The following KLHL29 variants were observed in gnomAD, a reference collection of about 807,000 sequenced individuals.
KLHL29 encodes the protein kelch-like protein 29.
In KLHL29, 21 loss-of-function variants were observed where a neutral mutation model predicts 80.4. That is an observed-to-expected ratio of 0.26 (90% CI 0.19 to 0.38). The LOEUF (loss-of-function observed/expected upper bound fraction) is 0.38, where lower values mean the gene tolerates loss of function less well. KLHL29 is among the 10% of genes least tolerant of loss of function. KLHL29 has a pLI of 1.00. For missense variants in KLHL29, 867 were observed against 1,223.9 expected, an observed-to-expected ratio of 0.71 and a Z score of 4.35; for synonymous variants, 511 against 526.8, an observed-to-expected ratio of 0.97 and a Z score of 0.41.
intron 3 of KLHL29, among the ~76,000 whole-genome samples, chr2:23,603,486 A>C (rs2103524699): frequency 6.6e-6 from 1 of 152,294 alleles, no homozygotes; most frequent in African/African-American, 2.4e-5. Context: ...AGCTGAAGGC[A>C]CTTCCCAGGT....
Position 23,605,063 on chromosome 2 carries a change from AGCCACTGGGAGG to A in KLHL29, c.286-34073_286-34062del, listed in dbSNP as rs1297667268. On this transcript the variant is annotated intron_variant, in intron 3 of 13. Coordinates refer to ENST00000486442, the MANE Select transcript of KLHL29 (RefSeq NM_052920.2). ...ACCGCCTTCCCTGGAGTAAGGCCTC[AGCCACTGGGAGG>A]GCAGCGTGGCCCTGTTCTTTTTCCT... Among the ~76,000 whole-genome samples the A allele has an allele frequency of 5.4e-5, 8 of 149,324 alleles. No homozygotes were observed. In the East Asian group the frequency reaches 1.6e-3, roughly 30 times the overall value.
At position 23,596,164 on chromosome 2, in the gene KLHL29, G is replaced by A. The variant is rs146594889; in HGVS notation, c.285+33683G>A. Among the ~76,000 whole-genome samples the A allele has an allele frequency of 1.7e-4, 26 of 152,300 alleles. No homozygotes were observed. The highest frequency in any genetic ancestry group is 5.1e-4 in the African/African-American group (21 of 41,566). ...AATAGAGCACCCTCGGCAGCCAGCC[G>A]GACGGGCAGGCCGGGGGCGGGGCAG... On this transcript the variant is annotated intron_variant, in intron 3 of 13. Transcript: ENST00000486442. This position sits in a 1 kb window ranked among gnomAD's most constrained non-coding sequence, Gnocchi z 4.4.
chr2:23,558,584 G>T (rs545585340), intron 2 of KLHL29, among the ~76,000 whole-genome samples: 2 of 151,942 alleles, frequency 1.3e-5, no homozygotes, highest in South Asian at 2.1e-4. Context: ...GTATTTTTTT[G>T]GTAGAAATGG....
intron 5 of KLHL29, among the ~76,000 whole-genome samples, chr2:23,646,004 TTC>T (rs1172654716): frequency 6.6e-6 from 1 of 152,102 alleles, no homozygotes; most frequent in Non-Finnish European, 1.5e-5. Context: ...AGACAAATCT[TTC>T]TTTCTCTAAG....
chr2:23,609,534 C>T (rs563831877), intron 3 of KLHL29, among the ~76,000 whole-genome samples: 10 of 151,974 alleles, frequency 6.6e-5, no homozygotes, highest in Admixed American at 2.0e-4. Flanking sequence ...CCCCCCTCGG[C>T]TGGTTGTGGA....
chr2:23,404,268 A>G (rs970053288), intron 1 of KLHL29, among the ~76,000 whole-genome samples: 23 of 88,384 alleles, frequency 2.6e-4, no homozygotes, highest in African/African-American at 8.1e-4. Flanking sequence ...GGCGATGACT[A>G]TTAAAAAAAA....
Position 23,642,366 on chromosome 2 carries a change from C to A in KLHL29, c.456C>A (p.Ala152=). The A allele has an allele frequency of 7.0e-7, 1 of 1,434,484 alleles. No individual in the cohort carries two copies. The highest frequency in any genetic ancestry group is 2.5e-5 in the East Asian group (1 of 39,470). The allele number at this position is 1,434,484 out of a possible 1,614,324, so 88.9% of individuals were successfully genotyped here. Residue 152 remains alanine, a synonymous_variant, in exon 5 of 14, where the codon GCC becomes GCA. Transcript: ENST00000486442. The part of the protein sequence containing the change: ...PGTGPWVTTV[A]AGNQPTLIAH... Reference sequence around the variant, plus strand: ...CAGGGCCATGGGTGACCACGGTGGCCGCCGGGAACCAGCCCACCCTGATTG... The same window carrying A: ...CAGGGCCATGGGTGACCACGGTGGCAGCCGGGAACCAGCCCACCCTGATTG...
chr2:23,654,701 G>GT (rs367717057), intron 5 of KLHL29, among the ~76,000 whole-genome samples: 3 of 118,068 alleles, frequency 2.5e-5, no homozygotes, highest in Non-Finnish European at 3.8e-5. Context: ...GAGGTTGGGG[G>GT]GGGGGGGTGG....
chr2:23,568,140 A>G (rs377047656), intron 3 of KLHL29, among the ~76,000 whole-genome samples: 2 of 152,146 alleles, frequency 1.3e-5, no homozygotes, highest in African/African-American at 4.8e-5. Context: ...AAGGAGGCAA[A>G]AAGAGGGAAG....
chr2:23,423,870 T>G (rs11673951), intron 1 of KLHL29, among the ~76,000 whole-genome samples: 1 of 152,038 alleles, frequency 6.6e-6, no homozygotes, highest in Non-Finnish European at 1.5e-5. Flanking sequence ...GCAGTGTGTC[T>G]TTCTCCCTGA....
chr2:23,625,528 G>T (rs1450810936), intron 3 of KLHL29, among the ~76,000 whole-genome samples: 1 of 152,224 alleles, frequency 6.6e-6, no homozygotes, highest in Non-Finnish European at 1.5e-5. Flanking sequence ...GAAAATTAGA[G>T]CTCAGGCTGG....
At chr2:23,587,161 GA>G (rs1311432554) in intron 3 of KLHL29, among the ~76,000 whole-genome samples, 1 of 151,934 alleles carries the variant, frequency 6.6e-6, no homozygotes, top group African/African-American at 2.4e-5. Context: ...AGCGTGTCGA[GA>G]AGCTCTGAAG....
Position 23,390,151 on chromosome 2 carries a change from A to G in KLHL29, c.-154+4371A>G, listed in dbSNP as rs534854324. Among the ~76,000 whole-genome samples, 299 of 152,358 alleles carry G rather than the reference A, an allele frequency of 2.0e-3. 1 individual carries two copies. Among genetic ancestry groups the G allele is most frequent in the Admixed American group, 6.5e-3 (99 of 15,306 alleles). ...GAAAACAGGAAAACTGAAACTGCCAATTAAGATGAGGCAAGTTGATCACTG... is the reference window on the plus strand; with the variant it reads ...GAAAACAGGAAAACTGAAACTGCCAGTTAAGATGAGGCAAGTTGATCACTG... On this transcript the variant is annotated intron_variant, in intron 1 of 13. Coordinates refer to ENST00000486442, the MANE Select transcript of KLHL29 (RefSeq NM_052920.2).
chr2:23,639,294 C>A lies in KLHL29; in HGVS notation c.427+14C>A, dbSNP rs759472720. On this transcript the variant is annotated intron_variant, in intron 4 of 13. Coordinates refer to ENST00000486442, the MANE Select transcript of KLHL29 (RefSeq NM_052920.2). ...GTGACAATCCAGGTACGTACCTCAT[C>A]GGCAGATAGAAACGACTGAGCCCAG... 5 of 1,543,572 alleles carry A rather than the reference C, an allele frequency of 3.2e-6. No homozygotes were observed. Among genetic ancestry groups the A allele is most frequent in the Non-Finnish European group, 4.4e-6 (5 of 1,144,118 alleles).
intron 3 of KLHL29, among the ~76,000 whole-genome samples, chr2:23,626,184 C>T (rs1455588522): frequency 6.6e-6 from 1 of 152,218 alleles, no homozygotes; most frequent in African/African-American, 2.4e-5. Flanking sequence ...ACCTGGATCC[C>T]TCTCATGCAC....
intron 1 of KLHL29, among the ~76,000 whole-genome samples, chr2:23,418,867 ATCCCCCCT>A (rs976848357): frequency 8.5e-5 from 13 of 152,170 alleles, no homozygotes; most frequent in African/African-American, 3.1e-4. Flanking sequence ...GTCAATCCTG[ATCCCCCCT>A]TCCCTGCCCC....
intron 3 of KLHL29, among the ~76,000 whole-genome samples, chr2:23,594,970 C>T (rs1668360554): frequency 6.6e-6 from 1 of 152,186 alleles, no homozygotes; most frequent in Admixed American, 6.5e-5. Context: ...GACCATTTTC[C>T]GTTTCCGCTC....
At position 23,556,159 on chromosome 2, in the gene KLHL29, G is replaced by A. The variant is rs552388085; in HGVS notation, c.-45-5993G>A. Among the ~76,000 whole-genome samples, 9 of 152,326 alleles carry A rather than the reference G, an allele frequency of 5.9e-5. No individual in the cohort carries two copies. The East Asian group carries it at 1.7e-3, about 29-fold the overall frequency. ...AGGTGGGGAGGTGCATCACAGAGAA[G>A]GCAGCGGGGAGCCTGACAGCCTGAG... On this transcript the variant is annotated intron_variant, in intron 2 of 13. Coordinates refer to ENST00000486442, the MANE Select transcript of KLHL29 (RefSeq NM_052920.2).
At position 23,583,121 on chromosome 2, in the gene KLHL29, G is replaced by A. The variant is rs1572416566; in HGVS notation, c.285+20640G>A. ...GGACCCTCCCCTGGAGCATCCAGAG[G>A]GGGTGTGGCCCTGCTGACAGCTTCA... On this transcript the variant is annotated intron_variant, in intron 3 of 13. Coordinates refer to ENST00000486442, the MANE Select transcript of KLHL29 (RefSeq NM_052920.2). 3.9e-5 allele frequency among the ~76,000 whole-genome samples: 6 copies of A among 152,176 alleles called. No individual in the cohort carries two copies. In the South Asian group the frequency reaches 6.2e-4, roughly 16 times the overall value.
Sources: allele counts gnomAD v4.1 joint callset (sites outside exome capture counted in the v4.1 genomes callset), GRCh38; gene constraint gnomAD v4.1.1; non-coding constraint Gnocchi (gnomAD v3.1); transcripts MANE v1.5; gene names NCBI Gene and HGNC (gene_info 2026-07-23, HGNC 2026-07-21).